Variants in ZNF701 observed in about 807,000 individuals in gnomAD.
ZNF701 encodes the protein zinc finger protein 701.
A neutral mutation model predicts 7.1 loss-of-function variants in ZNF701; 6 were observed. That is an observed-to-expected ratio of 0.84 (90% CI 0.46 to 1.66). ZNF701 has a LOEUF of 1.66. ZNF701 is among the 40% of genes most tolerant of loss of function. ZNF701 has a pLI of 0.01. For missense variants in ZNF701, 541 were observed against 559.2 expected, an observed-to-expected ratio of 0.97 and a Z score of 0.33; for synonymous variants, 166 against 188.2, an observed-to-expected ratio of 0.88 and a Z score of 0.97.
At chr19:52,595,980 A>C in the ZNF701 span, 4 of 1,606,616 alleles carry the variant, frequency 2.5e-6, no homozygotes, top group Non-Finnish European at 2.6e-6. Context: ...AAGTCTATCA[A>C]TGATGCTTCC....
At chr19:52,593,399 T>G in the ZNF701 span, among the ~76,000 whole-genome samples, 108,082 of 108,712 alleles carry the variant, frequency 0.99, 53,766 homozygotes, top group Middle Eastern at 1. Flanking sequence ...GCGGCTGGCC[T>G]GGCGGGGGGC....
At chr19:52,572,908 C>T (rs751303248) in intron 1 of ZNF701, among the ~76,000 whole-genome samples, 17 of 152,152 alleles carry the variant, frequency 1.1e-4, no homozygotes, top group Non-Finnish European at 2.1e-4. Context: ...CTGCTCTTAC[C>T]CTATTTCTCT....
At position 52,584,516 on chromosome 19, in the gene ZNF701, A is replaced by T. The variant is rs754347279; in HGVS notation, c.*1059A>T. On this transcript the variant is annotated 3_prime_UTR_variant, in exon 4 of 4. Transcript: ENST00000391785. ...AGGGGTTTTTATAGGTATTGTGTTG[A>T]ATCTGAATCACATTGGCTTATATAA... 1 of 152,530 alleles carries T rather than the reference A, an allele frequency of 6.6e-6. No homozygotes were observed. The highest frequency in any genetic ancestry group is 1.5e-5 in the Non-Finnish European group (1 of 68,276). 9.4% of individuals were successfully genotyped at this position (152,530 alleles called of 1,614,324 possible).
At chr19:52,597,890 C>A in the ZNF701 span, 1 of 162,832 alleles carries the variant, frequency 6.1e-6, no homozygotes, top group Non-Finnish European at 1.4e-5. Context: ...CTAGATTCTC[C>A]GGGTACTAAT....
chr19:52,578,594 G>T (rs867720995), intron 3 of ZNF701, among the ~76,000 whole-genome samples: 58 of 152,328 alleles, frequency 3.8e-4, no homozygotes, highest in Middle Eastern at 6.8e-3. Context: ...CACCCGCTAA[G>T]CCCGCAGGGC....
Position 52,583,418 on chromosome 19 carries a change from T to G in ZNF701, c.1359T>G (p.Leu453=). The G allele has an allele frequency of 1.2e-6, 2 of 1,613,672 alleles. No homozygotes were observed. Among genetic ancestry groups the G allele is most frequent in the South Asian group, 1.1e-5 (1 of 91,028 alleles). The part of the protein sequence containing the change: ...CGKVFNRKSN[L]ERHHRLHTGK... ...AGGTTTTTAATCGAAAATCAAACCT[T>G]GAACGTCATCATAGACTTCATACTG... The change falls in exon 4 of 4, where the codon CTT becomes CTG. Residue 453 remains leucine (L), a synonymous_variant. Coordinates refer to ENST00000391785, the MANE Select transcript of ZNF701 (RefSeq NM_018260.3).
intron 2 of ZNF701, 120 bp downstream of exon 2, chr19:52,574,282 T>C (rs1281987026): frequency 2.7e-6 from 4 of 1,474,010 alleles, no homozygotes; most frequent in African/African-American, 2.8e-5. Flanking sequence ...CACACTCAAC[T>C]CATGCCTTCC....
intron 3 of ZNF701, among the ~76,000 whole-genome samples, chr19:52,580,444 G>A (rs1286093364): frequency 2.0e-5 from 3 of 151,386 alleles, no homozygotes; most frequent in Non-Finnish European, 4.4e-5. Flanking sequence ...CCAGGCTGGT[G>A]TCGAACTTCT....
intron 1 of ZNF701, among the ~76,000 whole-genome samples, chr19:52,573,850 C>T (rs1459554270): frequency 6.6e-6 from 1 of 152,194 alleles, no homozygotes; most frequent in Admixed American, 6.5e-5. Flanking sequence ...TGGGTCTGTG[C>T]CCTGAAAGGG....
At chr19:52,579,568 T>C (rs114316204) in intron 3 of ZNF701, among the ~76,000 whole-genome samples, 8,227 of 129,472 alleles carry the variant, frequency 0.064, 879 homozygotes, top group African/African-American at 0.089. Context: ...AGCATAATAA[T>C]GAAACCTAAA....
intron 3 of ZNF701, among the ~76,000 whole-genome samples, chr19:52,579,520 C>CA (rs34682718): frequency 0.019 from 1,137 of 59,964 alleles, 56 homozygotes; most frequent in Admixed American, 0.1. Context: ...AACTCTGTCT[C>CA]AAAAAAAAAA....
the ZNF701 span, among the ~76,000 whole-genome samples, chr19:52,594,685 G>C: frequency 6.6e-6 from 1 of 151,790 alleles, no homozygotes; most frequent in South Asian, 2.1e-4. Context: ...GGCTATTTCT[G>C]TATTTTTAAT....
At chr19:52,580,521 G>A (rs531211146) in intron 3 of ZNF701, among the ~76,000 whole-genome samples, 9 of 152,056 alleles carry the variant, frequency 5.9e-5, no homozygotes, top group East Asian at 1.9e-4. Context: ...CACCGTGCCC[G>A]GACATTAGTC....
Position 52,582,268 on chromosome 19 carries a change from A to G in ZNF701, c.209A>G (p.His70Arg). 6.2e-7 allele frequency: 1 copy of G among 1,612,496 alleles called. No homozygotes were observed. Among genetic ancestry groups the G allele is most frequent in the South Asian group, 1.1e-5 (1 of 90,744 alleles). ...GGACAAGGCAATACAGAAGTGGTCC[A>G]CACAGGGACATTGCAAATACATGCA... ...STGQGNTEVV[H>R]TGTLQIHASH... The change falls in exon 4 of 4, where the codon CAC becomes CGC. Residue 70 changes from histidine to arginine, a missense_variant. Physicochemically the swap from His to Arg is conservative, Grantham distance 29. Coordinates refer to ENST00000391785, the MANE Select transcript of ZNF701 (RefSeq NM_018260.3).
At chr19:52,571,358 A>G (rs1470899451) in intron 1 of ZNF701, among the ~76,000 whole-genome samples, 1 of 151,980 alleles carries the variant, frequency 6.6e-6, no homozygotes, top group Non-Finnish European at 1.5e-5. Flanking sequence ...GGGGTGCTAG[A>G]GAGTGGGGAC....
At chr19:52,597,712 G>A in the ZNF701 span, 2 of 236,610 alleles carry the variant, frequency 8.5e-6, no homozygotes, top group Non-Finnish European at 1.7e-5. Flanking sequence ...TCTGGGCGGG[G>A]CAAGAATGAG....
chr19:52,576,515 G>A (rs538522567), intron 3 of ZNF701, among the ~76,000 whole-genome samples: 12 of 151,986 alleles, frequency 7.9e-5, no homozygotes, highest in Non-Finnish European at 1.3e-4. Context: ...ACTCCAGCCT[G>A]GGCAACAGAG....
chr19:52,582,871 C>G lies in ZNF701; in HGVS notation c.812C>G (p.Thr271Arg), dbSNP rs373554. ...TGTCACACTGGTGAGAATCCTTACA[C>G]GTGTAATGAGTGTGGCAAGACATTC... ...HRCHTGENPYTCNECGKTFSH... is the reference protein window; with the variant it reads ...HRCHTGENPYRCNECGKTFSH... Residue 271 changes from threonine to arginine, a missense_variant, in exon 4 of 4, where the codon ACG becomes AGG. Coordinates refer to ENST00000391785, the MANE Select transcript of ZNF701 (RefSeq NM_018260.3). 33 of 1,613,974 alleles carry G rather than the reference C, an allele frequency of 2.0e-5. No homozygotes were observed. The highest frequency in any genetic ancestry group is 2.0e-4 in the African/African-American group (15 of 74,950).
At position 52,583,891 on chromosome 19, in the gene ZNF701, C is replaced by T; in HGVS notation, c.*434C>T. 3 of 438,130 alleles carry T rather than the reference C, an allele frequency of 6.8e-6. No homozygotes were observed. Among genetic ancestry groups the T allele is most frequent in the South Asian group, 6.0e-5 (3 of 50,188 alleles). 27.1% of individuals were successfully genotyped at this position (438,130 alleles called of 1,614,324 possible). A position where few individuals can be genotyped will look rare whatever the true frequency, so the allele number is the denominator to read the frequency against. On this transcript the variant is annotated 3_prime_UTR_variant, in exon 4 of 4. Transcript: ENST00000391785. ...GGTCTTACAAGTGTAATAAATGTGG[C>T]AAGTTTTTCAGACATCATTCATAAC...
Sources: allele counts gnomAD v4.1 joint callset (sites outside exome capture counted in the v4.1 genomes callset), GRCh38; gene constraint gnomAD v4.1.1; transcripts MANE v1.5; gene names NCBI Gene and HGNC (gene_info 2026-07-23, HGNC 2026-07-21).